LIMCH1: variants seen among roughly 807,000 people sequenced by gnomAD.
LIMCH1 encodes LIM and calponin homology domains-containing protein 1.
In LIMCH1, 113 loss-of-function variants were observed where a neutral mutation model predicts 176.5. That is an observed-to-expected ratio of 0.64 (90% CI 0.55 to 0.75). The LOEUF is 0.75. LIMCH1 is among the 30% of genes least tolerant of loss of function. The pLI, the probability that LIMCH1 is intolerant of heterozygous loss-of-function variation, is 0.00. For missense variants in LIMCH1, 1,674 were observed against 1,814.9 expected (o/e 0.92, Z 1.41); for synonymous variants, 619 against 645.9 (o/e 0.96, Z 0.63).
At chr4:41,562,056 G>A (rs1279904189) in intron 1 of LIMCH1, among the ~76,000 whole-genome samples, 1 of 151,992 alleles carries the variant, frequency 6.6e-6, no homozygotes, top group African/African-American at 2.4e-5. Flanking sequence ...CCTCTGTTAC[G>A]AGCCTCTGAG....
chr4:41,598,781 A>G (rs1232428638), intron 1 of LIMCH1, 139 bp from the exon 2 acceptor site: 2 of 455,292 alleles, frequency 4.4e-6, no homozygotes, highest in Non-Finnish European at 8.0e-6. Flanking sequence ...CTAACAAAGT[A>G]TGATTTGTTA....
intron 1 of LIMCH1, among the ~76,000 whole-genome samples, chr4:41,427,595 C>T (rs1328762002): frequency 1.3e-5 from 2 of 152,138 alleles, no homozygotes; most frequent in Admixed American, 6.5e-5. Context: ...GTTTGAAAGC[C>T]GGACAGCTGT....
rs114618107 is a variant in LIMCH1, at chr4:41,569,672, C to T, written c.-240-29248C>T. ...CTATAGTAAATATATTGTATGTACT[C>T]GGATTACTGGAGATGCATTGTCAAA... is the stretch of plus-strand genomic sequence containing the variant. On this transcript the variant is annotated intron_variant, in intron 1 of 31. Transcript: ENST00000503057. Among the ~76,000 whole-genome samples, 294 of 152,138 alleles carry T rather than the reference C, an allele frequency of 1.9e-3. 1 individual carries two copies. Among genetic ancestry groups the T allele is most frequent in the Non-Finnish European group, 3.5e-3 (241 of 68,006 alleles).
At position 41,491,413 on chromosome 4, in the gene LIMCH1, C is replaced by G. The variant is rs544814153; in HGVS notation, c.97-3123C>G. Among the ~76,000 whole-genome samples, 4 of 145,250 alleles carry G rather than the reference C, an allele frequency of 2.8e-5. No individual in the cohort carries two copies. In the South Asian group the frequency reaches 8.9e-4, roughly 32 times the overall value. On this transcript the variant is annotated intron_variant, in intron 1 of 26. Coordinates refer to the LIMCH1 transcript ENST00000313860. ...GCCGGGCAGAGGCGCTCCCCACCTCCCAGATGAAGGGCGGCCGGGCAGAGG... is the reference window on the plus strand; with the variant it reads ...GCCGGGCAGAGGCGCTCCCCACCTCGCAGATGAAGGGCGGCCGGGCAGAGG...
Position 41,635,373 on chromosome 4 carries a change from G to A in LIMCH1, c.2090+1565G>A, listed in dbSNP as rs146724498. On this transcript the variant is annotated intron_variant, in intron 13 of 31. Coordinates refer to ENST00000503057, the MANE Select transcript of LIMCH1 (RefSeq NM_001330672.2). ...CTCCTGAATAGCTGGGATTATATGCGCCCTCCACCACGCCCAGCTAATTTT... is the reference window on the plus strand; with the variant it reads ...CTCCTGAATAGCTGGGATTATATGCACCCTCCACCACGCCCAGCTAATTTT... Among the ~76,000 whole-genome samples the A allele has an allele frequency of 3.4e-3, 510 of 152,006 alleles. 3 individuals are homozygous for A. Among genetic ancestry groups the A allele is most frequent in the African/African-American group, 0.012 (478 of 41,456 alleles).
At chr4:41,478,983 T>C (rs1197983301) in intron 1 of LIMCH1, among the ~76,000 whole-genome samples, 2 of 152,170 alleles carry the variant, frequency 1.3e-5, no homozygotes, top group Non-Finnish European at 2.9e-5. Context: ...AAACATTTTA[T>C]TGTGAATGTG....
intron 1 of LIMCH1, among the ~76,000 whole-genome samples, chr4:41,398,127 A>C (rs1433595217): frequency 1.3e-5 from 2 of 151,446 alleles, no homozygotes; most frequent in Non-Finnish European, 2.9e-5. Context: ...AGAAATGTTG[A>C]AGAACTTGGA....
At chr4:41,375,912 T>C (rs1466558531) in intron 1 of LIMCH1, among the ~76,000 whole-genome samples, 1 of 152,230 alleles carries the variant, frequency 6.6e-6, no homozygotes, top group Non-Finnish European at 1.5e-5. Flanking sequence ...CTTTTTTCTT[T>C]TTTGAGGGGA....
At chr4:41,598,576 A>T (rs1312287624) in intron 1 of LIMCH1, among the ~76,000 whole-genome samples, 3 of 152,206 alleles carry the variant, frequency 2.0e-5, no homozygotes. Context: ...ACCAGATTCT[A>T]GGCAACAAGA....
chr4:41,563,754 G>A (rs929073848), intron 1 of LIMCH1, among the ~76,000 whole-genome samples: 29 of 152,190 alleles, frequency 1.9e-4, no homozygotes, highest in African/African-American at 6.0e-4. Context: ...CAAATCACCC[G>A]CCTTTTCCTC....
intron 1 of LIMCH1, among the ~76,000 whole-genome samples, chr4:41,407,778 GC>G (rs2059119094): frequency 6.6e-6 from 1 of 152,164 alleles, no homozygotes; most frequent in South Asian, 2.1e-4. Context: ...GGAGGGTTGA[GC>G]CCCACGTCTA....
At chr4:41,380,441 C>T (rs1231257938) in intron 1 of LIMCH1, among the ~76,000 whole-genome samples, 1 of 151,992 alleles carries the variant, frequency 6.6e-6, no homozygotes, top group African/African-American at 2.4e-5. Context: ...GCCACTGCAC[C>T]CAGCCTGAGA....
chr4:41,644,401 A>G, intron 14 of LIMCH1, 99 bp from the exon 15 acceptor site: 2 of 1,378,182 alleles, frequency 1.5e-6, no homozygotes, highest in East Asian at 5.8e-5. Context: ...GCAGTTTTCC[A>G]AGCCCGGTAG....
At chr4:41,468,937 G>T (rs941181688) in intron 1 of LIMCH1, among the ~76,000 whole-genome samples, 1 of 152,112 alleles carries the variant, frequency 6.6e-6, no homozygotes, top group African/African-American at 2.4e-5. Context: ...GGGAAACACA[G>T]GCAAAGTGTT....
intron 1 of LIMCH1, among the ~76,000 whole-genome samples, chr4:41,429,316 C>A (rs1325222461): frequency 1.3e-5 from 2 of 151,730 alleles, no homozygotes; most frequent in African/African-American, 4.8e-5. Context: ...GTGCTCTGAC[C>A]CATGGGTTTT....
intron 18 of LIMCH1, among the ~76,000 whole-genome samples, chr4:41,651,431 G>T (rs1562091229): frequency 6.6e-6 from 1 of 152,142 alleles, no homozygotes; most frequent in Admixed American, 6.5e-5. Flanking sequence ...TGAGTAGTAA[G>T]GGTTAGGACT....
At chr4:41,483,830 G>C (rs369892538) in intron 1 of LIMCH1, among the ~76,000 whole-genome samples, 135 of 152,320 alleles carry the variant, frequency 8.9e-4, no homozygotes, top group African/African-American at 3.2e-3. Context: ...TGTCTTAGGA[G>C]AGAGAGTTTA....
chr4:41,538,243 T>G lies in LIMCH1; in HGVS notation c.-348T>G, dbSNP rs2078170676. On this transcript the variant is annotated 5_prime_UTR_variant, in exon 1 of 32. Transcript: ENST00000503057. ...TTTTGGGAAAGGAAATGTAAGGGCA[T>G]TTCGGCTGCTGTGCTGGGGCTGACG... The G allele has an allele frequency of 1.0e-6, 1 of 985,418 alleles. No individual in the cohort carries two copies. Among genetic ancestry groups the G allele is most frequent in the East Asian group, 1.1e-4 (1 of 8,818 alleles). The allele number at this position is 985,418 out of a possible 1,614,324, so 61.0% of individuals were successfully genotyped here.
chr4:41,575,593 C>T (rs528573719), intron 1 of LIMCH1, among the ~76,000 whole-genome samples: 5 of 152,204 alleles, frequency 3.3e-5, no homozygotes, highest in South Asian at 4.1e-4. Context: ...TCATATCAGG[C>T]GCATCTTGTG....
Sources: gnomAD v4.1 joint callset for allele counts (sites outside exome capture counted in the v4.1 genomes callset) on GRCh38, gnomAD v4.1.1 for gene constraint, MANE v1.5 for transcripts, NCBI Gene and HGNC (gene_info 2026-07-23, HGNC 2026-07-21) for gene names.